Variants in TTC27 observed in about 807,000 individuals in gnomAD.
TTC27 encodes the protein tetratricopeptide repeat protein 27.
Under a neutral mutation model 115.9 loss-of-function variants are expected in TTC27, and 79 were observed. The ratio of observed to expected loss-of-function variants is 0.68; its 90% CI spans 0.57 to 0.82. TTC27 has a LOEUF of 0.82. TTC27 is among the 40% of genes least tolerant of loss of function. The probability of loss-of-function intolerance (pLI) is 0.00; values close to 1 mark genes in which losing one functional copy is unlikely to be tolerated. For synonymous variants in TTC27, 401 were observed against 356.0 expected (o/e 1.13, Z -1.42); for missense variants, 1,054 against 993.1 (o/e 1.06, Z -0.82).
intron 3 of TTC27, 63 bp from the exon 4 acceptor site, chr2:32,640,207 A>G: frequency 6.9e-7 from 1 of 1,446,706 alleles, no homozygotes; most frequent in Non-Finnish European, 9.4e-7. Context: ...GTATTATTAC[A>G]AGACATATAA....
chr2:32,713,647 A>C (rs578141730), intron 10 of TTC27, among the ~76,000 whole-genome samples: 46 of 152,260 alleles, frequency 3.0e-4, no homozygotes, highest in African/African-American at 1.1e-3. Context: ...TGGAAATTTG[A>C]GATTATTGCA....
At position 32,658,527 on chromosome 2, in the gene TTC27, T is replaced by C. The variant is rs1329309242; in HGVS notation, c.641-5776T>C. Among the ~76,000 whole-genome samples the C allele has an allele frequency of 1.3e-5, 2 of 152,366 alleles. 1 individual carries two copies. Among genetic ancestry groups the C allele is most frequent in the South Asian group, 4.1e-4 (2 of 4,830 alleles). ...ACCCATTCCTAGGCAGAGTTAGATA[T>C]TCAGTAAAAATAACTTCTCTTTTAG... is the stretch of plus-strand genomic sequence containing the variant. On this transcript the variant is annotated intron_variant, in intron 5 of 19. Transcript: ENST00000317907.
At chr2:32,685,119 C>T (rs929748169) in intron 9 of TTC27, among the ~76,000 whole-genome samples, 1 of 151,042 alleles carries the variant, frequency 6.6e-6, no homozygotes, top group Non-Finnish European at 1.5e-5. Context: ...CAACCCCTGC[C>T]TCCCGGTTCA....
chr2:32,703,683 C>T (rs1165814864), intron 10 of TTC27, among the ~76,000 whole-genome samples: 1 of 152,090 alleles, frequency 6.6e-6, no homozygotes. Context: ...AATGTTTATT[C>T]CTATCCAGTG....
At chr2:32,676,554 C>T (rs1182354355) in intron 8 of TTC27, among the ~76,000 whole-genome samples, 3 of 146,002 alleles carry the variant, frequency 2.1e-5, no homozygotes, top group East Asian at 2.0e-4. Context: ...TGCAGTGGCA[C>T]GATCTTGGCT....
intron 10 of TTC27, among the ~76,000 whole-genome samples, chr2:32,721,490 T>C (rs1667922928): frequency 2.0e-5 from 3 of 152,282 alleles, no homozygotes; most frequent in African/African-American, 7.2e-5. Context: ...AAGGTTGTTG[T>C]CACAGTAGCA....
chr2:32,718,745 T>C (rs991111618), intron 10 of TTC27, among the ~76,000 whole-genome samples: 2 of 152,182 alleles, frequency 1.3e-5, no homozygotes, highest in Non-Finnish European at 2.9e-5. Flanking sequence ...CTCTGCACTG[T>C]GACCAGAGTG....
intron 18 of TTC27, among the ~76,000 whole-genome samples, chr2:32,814,159 G>A (rs1042207940): frequency 6.6e-6 from 1 of 152,204 alleles, no homozygotes; most frequent in African/African-American, 2.4e-5. Flanking sequence ...AACAGTCAAA[G>A]CCACGCTATT....
At chr2:32,723,171 T>C (rs1156657222) in intron 10 of TTC27, among the ~76,000 whole-genome samples, 1 of 152,194 alleles carries the variant, frequency 6.6e-6, no homozygotes, top group Non-Finnish European at 1.5e-5. Context: ...ATAATAACTT[T>C]AGTCAGATTC....
chr2:32,789,945 AAG>A (rs372561611), intron 16 of TTC27, among the ~76,000 whole-genome samples: 1 of 137,198 alleles, frequency 7.3e-6, no homozygotes, highest in South Asian at 2.2e-4. Flanking sequence ...AAAAAAAAAA[AAG>A]AGAAGTCTTT....
In TTC27 at chr2:32,745,679, AT is replaced by A. The variant is rs143114363; in HGVS notation, c.1452+8864del. Among the ~76,000 whole-genome samples the A allele has an allele frequency of 6.5e-3, 986 of 152,138 alleles. 10 individuals carry two copies. The highest frequency in any genetic ancestry group is 0.022 in the African/African-American group (913 of 41,480). On this transcript the variant is annotated intron_variant, in intron 12 of 19. Coordinates refer to ENST00000317907, the MANE Select transcript of TTC27 (RefSeq NM_017735.5). ...CCTAACTCAGTATTTTGAAAAAAAA[AT>A]AATAATAAATAAATATTTTAAGGAT...
Position 32,702,805 on chromosome 2 carries a change from A to G in TTC27, c.1120-2A>G. On this transcript the variant is annotated splice_acceptor_variant, in intron 9 of 19. Transcript: ENST00000317907. LOFTEE classifies it high-confidence loss of function. ...TGATTTTTTTCTTCCCGCTTCTATC[A>G]GTGTTTGCTTTCACAACCAAAGTTC... 1 of 1,604,412 alleles carries G rather than the reference A, an allele frequency of 6.2e-7. No homozygotes were observed. Among genetic ancestry groups the G allele is most frequent in the Non-Finnish European group, 8.5e-7 (1 of 1,171,940 alleles).
chr2:32,791,185 A>T (rs1670522411), intron 16 of TTC27, among the ~76,000 whole-genome samples: 1 of 152,224 alleles, frequency 6.6e-6, no homozygotes, highest in East Asian at 1.9e-4. Context: ...ATTATAAATA[A>T]TGTCATGAAT....
intron 9 of TTC27, among the ~76,000 whole-genome samples, chr2:32,696,630 T>G (rs10184751): frequency 0.49 from 74,232 of 151,906 alleles, 18,255 homozygotes; most frequent in Non-Finnish European, 0.51. Flanking sequence ...TCACAAACAT[T>G]TGAGTTGTTT....
chr2:32,723,095 T>A (rs1204734609), intron 10 of TTC27, among the ~76,000 whole-genome samples: 2 of 152,098 alleles, frequency 1.3e-5, no homozygotes, highest in East Asian at 3.8e-4. Flanking sequence ...TAGGTAATAA[T>A]AAAGGAATGT....
chr2:32,750,190 T>C (rs57939658), intron 12 of TTC27, among the ~76,000 whole-genome samples: 51,760 of 152,084 alleles, frequency 0.34, 9,620 homozygotes, highest in Non-Finnish European at 0.41. Context: ...CAGGGGCTTG[T>C]GGAGGGATCT....
chr2:32,705,271 G>C (rs915941463), intron 10 of TTC27, among the ~76,000 whole-genome samples: 4 of 152,032 alleles, frequency 2.6e-5, no homozygotes. Flanking sequence ...GCTTCCTGAG[G>C]CTTCATCAGT....
At chr2:32,668,115 T>G (rs1572495602) in intron 7 of TTC27, among the ~76,000 whole-genome samples, 1 of 151,728 alleles carries the variant, frequency 6.6e-6, no homozygotes, top group South Asian at 2.1e-4. Context: ...GGCGTGAATC[T>G]GGGAGACGGA....
intron 15 of TTC27, among the ~76,000 whole-genome samples, chr2:32,784,520 C>T (rs1427131409): frequency 6.6e-6 from 1 of 152,182 alleles, no homozygotes; most frequent in Admixed American, 6.5e-5. Context: ...GCTCTCTTTG[C>T]TGTTTCAACT....
Sources: gnomAD v4.1 joint callset for allele counts (sites outside exome capture counted in the v4.1 genomes callset) on GRCh38, gnomAD v4.1.1 for gene constraint, MANE v1.5 for transcripts, NCBI Gene and HGNC (gene_info 2026-07-23, HGNC 2026-07-21) for gene names.